PRKN: variants seen among roughly 807,000 people sequenced by gnomAD.
PRKN encodes the protein E3 ubiquitin-protein ligase parkin.
In PRKN, 56 loss-of-function variants were observed where a neutral mutation model predicts 59.5. The ratio of observed to expected loss-of-function variants is 0.94; its 90% CI spans 0.76 to 1.18. The LOEUF is 1.18. Among genes scored for constraint, PRKN ranks in the 50% most tolerant of loss-of-function variants. PRKN has a pLI of 0.00. For synonymous variants in PRKN, 250 were observed against 222.1 expected (o/e 1.13, Z -1.12); for missense variants, 657 against 596.4 (o/e 1.10, Z -1.06).
At chr6:162,262,829 A>G in intron 2 of PRKN, 64 bp from the exon 3 acceptor site, 1 of 1,582,554 alleles carries the variant, frequency 6.3e-7, no homozygotes, top group Non-Finnish European at 8.6e-7. Flanking sequence ...GAAATGCGAG[A>G]TAGAGTTTAA....
intron 4 of PRKN, among the ~76,000 whole-genome samples, chr6:162,062,965 G>A (rs1006938508): frequency 6.6e-6 from 1 of 152,152 alleles, no homozygotes; most frequent in African/African-American, 2.4e-5. Flanking sequence ...AAGAGACAGA[G>A]GCTCTCTGTA....
chr6:162,534,378 T>G (rs940530825), intron 1 of PRKN, among the ~76,000 whole-genome samples: 1 of 152,126 alleles, frequency 6.6e-6, no homozygotes, highest in African/African-American at 2.4e-5. Context: ...CACTGAGAAG[T>G]TACTTTTCTT....
At chr6:162,531,811 A>G (rs13201986) in intron 1 of PRKN, among the ~76,000 whole-genome samples, 13,229 of 152,020 alleles carry the variant, frequency 0.087, 728 homozygotes, top group South Asian at 0.18. Context: ...GGATGTTACA[A>G]TCTTGATAAA....
chr6:161,601,884 T>C (rs1033030051), intron 7 of PRKN, among the ~76,000 whole-genome samples: 55 of 152,268 alleles, frequency 3.6e-4, no homozygotes, highest in Middle Eastern at 6.8e-3. Flanking sequence ...GCCCGGCATA[T>C]AGTGGATTTT....
chr6:162,607,646 T>TA (rs1267264019), intron 1 of PRKN, among the ~76,000 whole-genome samples: 1 of 151,976 alleles, frequency 6.6e-6, no homozygotes, highest in Non-Finnish European at 1.5e-5. Flanking sequence ...GGATAATCAA[T>TA]AGAGTTAACT....
intron 1 of PRKN, among the ~76,000 whole-genome samples, chr6:162,558,692 G>A (rs527318204): frequency 1.3e-5 from 2 of 151,394 alleles, no homozygotes; most frequent in South Asian, 2.1e-4. Context: ...AGGCTGGAGT[G>A]CAGTGGAGTG....
intron 2 of PRKN, among the ~76,000 whole-genome samples, chr6:162,293,065 G>T (rs1296148993): frequency 6.6e-6 from 1 of 152,164 alleles, no homozygotes; most frequent in Non-Finnish European, 1.5e-5. Flanking sequence ...ATGAAAATAT[G>T]TAAGCCAGAT....
chr6:162,590,856 G>A (rs1403828970), intron 1 of PRKN, among the ~76,000 whole-genome samples: 1 of 152,122 alleles, frequency 6.6e-6, no homozygotes, highest in East Asian at 1.9e-4. Flanking sequence ...GCACACAACA[G>A]CCTCATGATG....
intron 1 of PRKN, among the ~76,000 whole-genome samples, chr6:162,556,394 T>C (rs909908947): frequency 6.9e-6 from 1 of 145,836 alleles, no homozygotes; most frequent in African/African-American, 2.6e-5. Context: ...TGTGTGTGTG[T>C]GTGTGTGTGT....
intron 1 of PRKN, among the ~76,000 whole-genome samples, chr6:162,488,134 C>T (rs554201031): frequency 6.9e-6 from 1 of 145,486 alleles, no homozygotes; most frequent in African/African-American, 2.5e-5. Context: ...CCAGATTTTA[C>T]AAAGTTTAAA....
At chr6:162,098,117 T>C (rs1011269339) in intron 4 of PRKN, among the ~76,000 whole-genome samples, 1 of 152,170 alleles carries the variant, frequency 6.6e-6, no homozygotes, top group Admixed American at 6.5e-5. Context: ...TTTTCTTTTC[T>C]TTTTTTGCTT....
Position 162,439,191 on chromosome 6 carries a change from G to A in PRKN, c.171+4119C>T, listed in dbSNP as rs539514724. ...GCAGTTTTTCTGTTGCATTTGGCTG[G>A]AGTAGACTGGTTATTGTCTAAATGT... On this transcript the variant is annotated intron_variant, in intron 2 of 11. Coordinates refer to ENST00000366898, the MANE Select transcript of PRKN (RefSeq NM_004562.3). Among the ~76,000 whole-genome samples the A allele has an allele frequency of 3.9e-5, 6 of 152,220 alleles. 1 individual carries two copies. In the East Asian group the frequency reaches 9.7e-4, roughly 25 times the overall value.
chr6:161,703,624 T>C (rs1437421795), intron 7 of PRKN, among the ~76,000 whole-genome samples: 1 of 152,146 alleles, frequency 6.6e-6, no homozygotes, highest in African/African-American at 2.4e-5. Context: ...GCTCTCATGT[T>C]GACTTTTCAG....
chr6:162,218,042 C>T (rs985011680), intron 3 of PRKN, among the ~76,000 whole-genome samples: 15 of 152,162 alleles, frequency 9.9e-5, no homozygotes, highest in African/African-American at 3.6e-4. Context: ...GAACTGCACG[C>T]CGGGGTGACA....
intron 6 of PRKN, among the ~76,000 whole-genome samples, chr6:161,895,135 A>G (rs1303898618): frequency 6.6e-6 from 1 of 152,244 alleles, no homozygotes; most frequent in African/African-American, 2.4e-5. Context: ...AGAATGAAAG[A>G]GAAATGGTAA....
At chr6:162,140,498 A>ATG (rs1223149302) in intron 4 of PRKN, among the ~76,000 whole-genome samples, 2 of 152,078 alleles carry the variant, frequency 1.3e-5, no homozygotes, top group Non-Finnish European at 2.9e-5. Flanking sequence ...GAGGGAGAGA[A>ATG]TGTGTGTGTG....
chr6:162,093,997 C>T (rs924509799), intron 4 of PRKN, among the ~76,000 whole-genome samples: 2 of 152,060 alleles, frequency 1.3e-5, no homozygotes, highest in East Asian at 1.9e-4. Flanking sequence ...CAAGGTGTCT[C>T]GGGAATGCAA....
chr6:162,617,412 G>C (rs909220789), intron 1 of PRKN, among the ~76,000 whole-genome samples: 2 of 151,856 alleles, frequency 1.3e-5, no homozygotes, highest in African/African-American at 4.8e-5. Flanking sequence ...TTGTATTTTT[G>C]GTAGAGACAG....
rs553479526 is a variant in PRKN, at chr6:161,840,441, C to T, written c.735-54533G>A. 4.6e-5 allele frequency among the ~76,000 whole-genome samples: 7 copies of T among 152,314 alleles called. No homozygotes were observed. In the South Asian group the frequency reaches 1.2e-3, roughly 27 times the overall value. On this transcript the variant is annotated intron_variant, in intron 6 of 11. Transcript: ENST00000366898. ...CACAGGAGAAAAGCCCCATCCATTC[C>T]GCTCTTTCTTTTTAACAAGTTCAGG...
Sources: gnomAD v4.1 joint callset for allele counts (sites outside exome capture counted in the v4.1 genomes callset) on GRCh38, gnomAD v4.1.1 for gene constraint, MANE v1.5 for transcripts, NCBI Gene and HGNC (gene_info 2026-07-23, HGNC 2026-07-21) for gene names.